NAV2: variants seen among roughly 807,000 people sequenced by gnomAD.
The protein encoded by NAV2 is helicase, APC down-regulated 1.
Under a neutral mutation model 223.2 loss-of-function variants are expected in NAV2, and 54 were observed. That is an observed-to-expected ratio of 0.24 (90% CI 0.19 to 0.30). The LOEUF is 0.30. Ranked by LOEUF, NAV2 falls within the 10% of genes least tolerant of loss-of-function variation. NAV2 has a pLI of 1.00. For synonymous variants in NAV2, 1,279 were observed against 1,239.3 expected (o/e 1.03, Z -0.67); for missense variants, 2,806 against 3,147.5 (o/e 0.89, Z 2.60).
At chr11:19,455,445 T>C (rs1851927979) in intron 1 of NAV2, among the ~76,000 whole-genome samples, 1 of 152,142 alleles carries the variant, frequency 6.6e-6, no homozygotes, top group Non-Finnish European at 1.5e-5. Context: ...ACCCTGTAAA[T>C]TCCATTCATA....
chr11:19,747,887 G>T (rs938637160), intron 1 of NAV2, among the ~76,000 whole-genome samples: 2 of 152,184 alleles, frequency 1.3e-5, no homozygotes, highest in African/African-American at 4.8e-5. Context: ...TCCGGCCCAG[G>T]TAGAGACCTG....
At chr11:20,027,421 A>G in intron 11 of NAV2, 1 of 985,522 alleles carries the variant, frequency 1.0e-6, no homozygotes. Context: ...CCAGCCCTGT[A>G]AATGGGCTGT....
chr11:19,573,559 C>T (rs2045484110), intron 1 of NAV2, among the ~76,000 whole-genome samples: 1 of 152,126 alleles, frequency 6.6e-6, no homozygotes, highest in South Asian at 2.1e-4. Flanking sequence ...GAGCTGCTAC[C>T]CTGTGCCAGC....
chr11:20,033,062 C>T (rs142354088), intron 11 of NAV2, among the ~76,000 whole-genome samples: 5 of 152,324 alleles, frequency 3.3e-5, no homozygotes, highest in African/African-American at 1.2e-4. Context: ...CTACAGAAGG[C>T]AGCATGACAC....
At chr11:19,903,590 T>G (rs2042620905) in intron 6 of NAV2, among the ~76,000 whole-genome samples, 1 of 150,250 alleles carries the variant, frequency 6.7e-6, no homozygotes, top group Non-Finnish European at 1.5e-5. Context: ...AAATGTGGAG[T>G]GGGAAATCTA....
intron 3 of NAV2, among the ~76,000 whole-genome samples, chr11:19,848,484 G>T (rs1288918081): frequency 6.6e-6 from 1 of 152,166 alleles, no homozygotes; most frequent in East Asian, 1.9e-4. Context: ...TGTGAAGTCG[G>T]ATTAGGTCTT....
At chr11:19,620,121 C>G (rs1326765767) in intron 1 of NAV2, among the ~76,000 whole-genome samples, 2 of 152,072 alleles carry the variant, frequency 1.3e-5, no homozygotes, top group Non-Finnish European at 2.9e-5. Context: ...TGATCTATAT[C>G]TCTGTTTTGG....
At chr11:19,841,318 G>GA (rs970501222) in intron 2 of NAV2, among the ~76,000 whole-genome samples, 2 of 152,172 alleles carry the variant, frequency 1.3e-5, no homozygotes, top group African/African-American at 2.4e-5. Flanking sequence ...TAGAAACAGA[G>GA]AAAAAATGAA....
chr11:19,773,987 G>T (rs903192582), intron 1 of NAV2, among the ~76,000 whole-genome samples: 1 of 152,128 alleles, frequency 6.6e-6, no homozygotes, highest in Non-Finnish European at 1.5e-5. Context: ...AATCTTGCTT[G>T]TCCCAGCCTA....
At chr11:19,351,921 A>C (rs975466750) in intron 1 of NAV2, among the ~76,000 whole-genome samples, 39 of 151,484 alleles carry the variant, frequency 2.6e-4, no homozygotes, top group Admixed American at 1.2e-3. Flanking sequence ...ATACACATGG[A>C]GATGAAAACT....
intron 1 of NAV2, among the ~76,000 whole-genome samples, chr11:19,546,863 A>C (rs981221580): frequency 6.6e-6 from 1 of 152,180 alleles, no homozygotes; most frequent in Non-Finnish European, 1.5e-5. Context: ...CTCACATACA[A>C]AATAAGGAAG....
intron 1 of NAV2, among the ~76,000 whole-genome samples, chr11:19,569,811 T>C (rs1395756508): frequency 6.6e-6 from 1 of 152,172 alleles, no homozygotes; most frequent in Non-Finnish European, 1.5e-5. Flanking sequence ...CCACCCTGGA[T>C]GGGGAGTTAT....
At chr11:19,442,688 G>C (rs925787983) in intron 1 of NAV2, among the ~76,000 whole-genome samples, 1 of 152,192 alleles carries the variant, frequency 6.6e-6, no homozygotes, top group African/African-American at 2.4e-5. Context: ...CCAGGGCTCT[G>C]GTTCCACCCT....
At chr11:19,640,947 C>T (rs1240299908) in intron 1 of NAV2, among the ~76,000 whole-genome samples, 1 of 152,184 alleles carries the variant, frequency 6.6e-6, no homozygotes, top group Non-Finnish European at 1.5e-5. Context: ...CTATACTTCC[C>T]CAAAGTCCCC....
intron 1 of NAV2, among the ~76,000 whole-genome samples, chr11:19,559,196 C>T (rs898013478): frequency 6.6e-6 from 1 of 152,240 alleles, no homozygotes; most frequent in Non-Finnish European, 1.5e-5. Flanking sequence ...GTCCTCCATA[C>T]ATGGAAGCCA....
At chr11:19,834,732 G>A (rs1034447578) in intron 2 of NAV2, among the ~76,000 whole-genome samples, 12 of 152,320 alleles carry the variant, frequency 7.9e-5, no homozygotes, top group African/African-American at 2.9e-4. Context: ...GGCAGCAAGA[G>A]AGGGAATATA....
At chr11:19,478,341 C>T (rs55899120) in intron 1 of NAV2, among the ~76,000 whole-genome samples, 200 of 152,126 alleles carry the variant, frequency 1.3e-3, no homozygotes, top group African/African-American at 4.3e-3. Flanking sequence ...ACCCGGAGCC[C>T]GGTGCCTGCA....
In NAV2 at chr11:20,049,832, C is replaced by T. The variant is rs2057799373; in HGVS notation, c.4371-4C>T. On this transcript the variant is annotated splice_polypyrimidine_tract_variant and splice_region_variant and intron_variant, in intron 15 of 37. Transcript: ENST00000349880. Reference sequence around the variant, plus strand: ...TCTTGTTTTCTACCTGCCTGGACTTCTAGCCCTCTCTCTTCCCCTGCTGCT... The same window carrying T: ...TCTTGTTTTCTACCTGCCTGGACTTTTAGCCCTCTCTCTTCCCCTGCTGCT... The T allele has an allele frequency of 6.2e-7, 1 of 1,613,910 alleles. No individual in the cohort carries two copies. The highest frequency in any genetic ancestry group is 1.3e-5 in the African/African-American group (1 of 74,922).
At chr11:19,876,370 C>T (rs1249296141) in intron 4 of NAV2, among the ~76,000 whole-genome samples, 1 of 152,090 alleles carries the variant, frequency 6.6e-6, no homozygotes, top group East Asian at 1.9e-4. Flanking sequence ...AACAATCCTA[C>T]AGGAAAGGTA....
Sources: allele counts gnomAD v4.1 joint callset (sites outside exome capture counted in the v4.1 genomes callset), GRCh38; gene constraint gnomAD v4.1.1; transcripts MANE v1.5; gene names NCBI Gene and HGNC (gene_info 2026-07-23, HGNC 2026-07-21).